SYNE1: variants seen among roughly 807,000 people sequenced by gnomAD.
SYNE1 encodes spectrin repeat containing nuclear envelope protein 1, also known as nesprin-1.
SYNE1 carries 616 observed loss-of-function variants against 1,111.0 expected under a neutral mutation model. That is an observed-to-expected ratio of 0.55 (90% confidence interval 0.52 to 0.59). The LOEUF (loss-of-function observed/expected upper bound fraction) is 0.59. Ranked by LOEUF, SYNE1 falls within the 20% of genes least tolerant of loss-of-function variation. The pLI is 0.00. For missense variants in SYNE1, 10,006 were observed against 10,417.0 expected (o/e 0.96, Z 1.72); for synonymous variants, 3,855 against 3,825.8 (o/e 1.01, Z -0.28).
In SYNE1 at chr6:152,330,389, T is replaced by C. The variant is rs1223673787; in HGVS notation, c.14296A>G (p.Thr4766Ala). The C allele has an allele frequency of 1.8e-5, 29 of 1,614,024 alleles. No individual in the cohort carries two copies. Among genetic ancestry groups the C allele is most frequent in the Non-Finnish European group, 2.4e-5 (28 of 1,180,042 alleles). The change falls in exon 78 of 146, where the codon ACA (threonine) becomes GCA (alanine). Residue 4766 changes from threonine (T) to alanine (A), a missense_variant. By Grantham distance (58) the Thr-to-Ala change is moderately conservative. Coordinates refer to ENST00000367255, the MANE Select transcript of SYNE1 (RefSeq NM_182961.4). ...TCTAATAAGCTAACCCTCTGTTCTG[T>C]TTGTCGCTTCAGCCTGTGATATAAG... ...VTLYHRLKRQ[T>A]EQRVSLLEDT...
intron 93 of SYNE1, among the ~76,000 whole-genome samples, chr6:152,295,853 T>C (rs553494735): frequency 6.6e-6 from 1 of 152,366 alleles, no homozygotes; most frequent in South Asian, 2.1e-4. Context: ...TCTGGCTTTG[T>C]TGACTTTCTC....
chr6:152,285,055 A>T (rs888357317), intron 95 of SYNE1, among the ~76,000 whole-genome samples: 4 of 152,120 alleles, frequency 2.6e-5, no homozygotes, highest in African/African-American at 9.7e-5. Flanking sequence ...CCTAACCCAG[A>T]CACCTGCCCT....
intron 129 of SYNE1, among the ~76,000 whole-genome samples, chr6:152,178,151 T>C (rs1013737544): frequency 3.3e-5 from 5 of 152,172 alleles, no homozygotes; most frequent in Non-Finnish European, 5.9e-5. Context: ...TATGAAAAGC[T>C]GAAATTTTTC....
At chr6:152,617,003 T>G (rs758203544) in intron 3 of SYNE1, among the ~76,000 whole-genome samples, 1 of 152,238 alleles carries the variant, frequency 6.6e-6, no homozygotes, top group Non-Finnish European at 1.5e-5. Flanking sequence ...TTAACAGCTA[T>G]GCAAAAGAAC....
rs747947368 is a variant in SYNE1 at position 152,277,264 on chromosome 6, CTTTTTTTTTTTT to C, written c.18573+813_18573+824del. 9.9e-3 allele frequency among the ~76,000 whole-genome samples: 813 copies of C among 82,120 alleles called. 6 individuals are homozygous for C. The highest frequency in any genetic ancestry group is 0.042 in the Middle Eastern group (3 of 72). The allele number at this position is 82,120 out of a possible 152,430, so 53.9% of individuals were successfully genotyped here. On this transcript the variant is annotated intron_variant, in intron 98 of 145. Transcript: ENST00000367255. ...TGCAATCACACTCCTTTTTCTTTTT[CTTTTTTTTTTTT>C]TTTTTTTTTTTTTTGTTATGAGACA...
chr6:152,149,554 G>T lies in SYNE1; in HGVS notation c.24565C>A (p.Leu8189Ile). The change falls in exon 136 of 146, where the codon CTA becomes ATA. Residue 8189 changes from leucine to isoleucine, a missense_variant. By Grantham distance (5) the Leu-to-Ile change is conservative (BLOSUM62 2). Coordinates refer to ENST00000367255, the MANE Select transcript of SYNE1 (RefSeq NM_182961.4). The stretch of plus-strand genomic sequence containing the variant: ...TGGCAGTACCGTCGGAGCTCATCTA[G>T]TTCCTCCTCGATGATCGCTGCATCC... ...PLDAAIIEEE[L>I]DELRRYCQEV... 1.2e-6 allele frequency: 2 copies of T among 1,614,146 alleles called. No homozygotes were observed. Among genetic ancestry groups the T allele is most frequent in the South Asian group, 2.2e-5 (2 of 91,078 alleles).
chr6:152,279,807 A>G (rs2093920277), intron 97 of SYNE1, among the ~76,000 whole-genome samples: 1 of 152,142 alleles, frequency 6.6e-6, no homozygotes, highest in African/African-American at 2.4e-5. Context: ...AGGAATTAAA[A>G]GATGATTTCC....
intron 3 of SYNE1, among the ~76,000 whole-genome samples, chr6:152,569,033 T>G (rs1279147669): frequency 6.6e-6 from 1 of 152,226 alleles, no homozygotes; most frequent in Non-Finnish European, 1.5e-5. Context: ...GTAACATTAA[T>G]GAATTAGTTC....
chr6:152,414,078 C>G (rs2098116158), intron 41 of SYNE1, among the ~76,000 whole-genome samples: 1 of 150,972 alleles, frequency 6.6e-6, no homozygotes, highest in Non-Finnish European at 1.5e-5. Flanking sequence ...TCATTTTTGT[C>G]CCTAATCTAT....
intron 84 of SYNE1, among the ~76,000 whole-genome samples, chr6:152,320,819 G>T (rs2095853888): frequency 6.6e-6 from 1 of 152,238 alleles, no homozygotes; most frequent in Non-Finnish European, 1.5e-5. Flanking sequence ...TCCCTGCCTT[G>T]ATCTTATTTT....
chr6:152,547,600 T>C (rs954116416), intron 3 of SYNE1, among the ~76,000 whole-genome samples: 1 of 152,130 alleles, frequency 6.6e-6, no homozygotes, highest in African/African-American at 2.4e-5. Context: ...TAGGATATGA[T>C]GGACTGAAAA....
rs1269074411 is a variant in SYNE1 at position 152,441,132 on chromosome 6, T to C, written c.4147A>G (p.Lys1383Glu). 3 of 1,613,566 alleles carry C rather than the reference T, an allele frequency of 1.9e-6. No individual in the cohort carries two copies. Among genetic ancestry groups the C allele is most frequent in the Non-Finnish European group, 2.5e-6 (3 of 1,179,892 alleles). ...ESLSSELEQT[K>E]EFSKRTESIA... ...GGTACCAAGGAGCCATAATATACCT[T>C]TGTTTGTTCCAGTTCTGAAGATAAA... The change falls in exon 32 of 146, where the codon AAG becomes GAG. Residue 1383 changes from lysine (K) to glutamate (E), a missense_variant and splice_region_variant. Physicochemically the swap from Lys to Glu is moderately conservative, Grantham distance 56. Around this residue, in one of 7 missense-constraint regions of SYNE1, gnomAD observed 1,971 missense variants for 2,084.1 expected, o/e 0.95. Transcript: ENST00000367255.
rs2090008195 is a variant in SYNE1 at position 152,253,813 on chromosome 6, GTTTGGTTTTTTTTTTTTTTT to G, written c.19470+1047_19470+1066del. Among the ~76,000 whole-genome samples the G allele has an allele frequency of 8.1e-4, 27 of 33,216 alleles. 1 individual carries two copies. The highest frequency in any genetic ancestry group is 3.4e-3 in the East Asian group (5 of 1,464). 21.8% of individuals were successfully genotyped at this position (33,216 alleles called of 152,430 possible). The stretch of plus-strand genomic sequence containing the variant: ...GCTAATGCTACATTTATGTGTAGTG[GTTTGGTTTTTTTTTTTTTTT>G]TTTTTTTTTTTTTTTTTTTTTTTTT... On this transcript the variant is annotated intron_variant, in intron 104 of 145. Transcript: ENST00000367255.
In SYNE1 at chr6:152,310,000, C is replaced by T. The variant is rs2095499163; in HGVS notation, c.17037G>A (p.Met5679Ile). The T allele has an allele frequency of 2.5e-6, 4 of 1,613,896 alleles. No individual in the cohort carries two copies. The highest frequency in any genetic ancestry group is 1.3e-5 in the African/African-American group (1 of 75,022). Reference protein sequence around the residue: ...LSHRQHLLSEMESLKPKVQAV... With the variant: ...LSHRQHLLSEIESLKPKVQAV... ...CTTGCACCTTCGGCTTCAGTGACTC[C>T]ATCTCAGACAACAAATGCTGAAAAT... The change falls in exon 90 of 146, where the codon ATG (methionine) becomes ATA (isoleucine). Residue 5679 changes from methionine to isoleucine, a missense_variant. This residue lies in a region of SYNE1 where 4,955 missense variants were observed against 5,017.2 expected (regional missense o/e 0.99). Coordinates refer to ENST00000367255, the MANE Select transcript of SYNE1 (RefSeq NM_182961.4).
At chr6:152,555,759 A>G (rs188854413) in intron 3 of SYNE1, among the ~76,000 whole-genome samples, 2 of 152,342 alleles carry the variant, frequency 1.3e-5, no homozygotes, top group Admixed American at 6.5e-5. Context: ...ATAAACAAAC[A>G]TCATAACTAA....
rs1240992519 is a variant in SYNE1 at position 152,413,391 on chromosome 6, T to C, written c.6191A>G (p.Glu2064Gly). 2 of 1,614,034 alleles carry C rather than the reference T, an allele frequency of 1.2e-6. No homozygotes were observed. The highest frequency in any genetic ancestry group is 2.2e-5 in the East Asian group (1 of 44,872). ...TCTTTTGGTATCATCCCAGGTGACC[T>C]CTAAGCGGTTTATCTCCCTGTCAAC... ...PEVDREINRL[E>G]VTWDDTKRLI... Residue 2064 changes from glutamate to glycine, a missense_variant, in exon 42 of 146, where the codon GAG becomes GGG. This residue lies in a region of SYNE1 where 4,955 missense variants were observed against 5,017.2 expected (regional missense o/e 0.99). Transcript: ENST00000367255.
At chr6:152,220,733 G>C in intron 119 of SYNE1, 109 bp downstream of exon 119, 1 of 994,726 alleles carries the variant, frequency 1.0e-6, no homozygotes, top group Non-Finnish European at 1.6e-6. Context: ...GTTATTTTTG[G>C]GTAACTGTCT....
chr6:152,171,058 C>T (rs2065085106), intron 130 of SYNE1, among the ~76,000 whole-genome samples: 2 of 152,182 alleles, frequency 1.3e-5, no homozygotes, highest in African/African-American at 4.8e-5. Context: ...TGTGAGGCCT[C>T]CCCAGCCATG....
intron 126 of SYNE1, among the ~76,000 whole-genome samples, chr6:152,205,269 A>C (rs2076295318): frequency 6.6e-6 from 1 of 152,226 alleles, no homozygotes; most frequent in Non-Finnish European, 1.5e-5. Context: ...CATATACAGG[A>C]CCATAACATT....
Sources: gnomAD v4.1 joint callset for allele counts (sites outside exome capture counted in the v4.1 genomes callset) on GRCh38, gnomAD v4.1.1 for gene constraint, gnomAD v4.1.1 regional missense constraint, MANE v1.5 for transcripts, NCBI Gene and HGNC (gene_info 2026-07-23, HGNC 2026-07-21) for gene names.